The following INSC variants were observed in gnomAD, a reference collection of about 807,000 sequenced individuals.
INSC encodes the protein INSC spindle orientation adaptor protein, also known as protein inscuteable homolog.
In INSC, 67 loss-of-function variants were observed where a neutral mutation model predicts 58.6. That is an observed-to-expected ratio of 1.14 (90% confidence interval 0.94 to 1.40). The LOEUF (loss-of-function observed/expected upper bound fraction) is 1.40. Among genes scored for constraint, INSC ranks in the 40% most tolerant of loss-of-function variants. The pLI is 0.00. For synonymous variants in INSC, 262 were observed against 276.1 expected (o/e 0.95, Z 0.51); for missense variants, 714 against 692.0 (o/e 1.03, Z -0.36).
At chr11:15,130,413 C>A (rs2133703453) in intron 1 of INSC, among the ~76,000 whole-genome samples, 1 of 152,222 alleles carries the variant, frequency 6.6e-6, no homozygotes, top group Non-Finnish European at 1.5e-5. Flanking sequence ...TTAAAATAAC[C>A]ATGTATTTTT....
At chr11:15,171,016 T>C (rs1272938638) in intron 2 of INSC, among the ~76,000 whole-genome samples, 1 of 152,206 alleles carries the variant, frequency 6.6e-6, no homozygotes, top group Non-Finnish European at 1.5e-5. Context: ...AATTCTTACA[T>C]AGCTTTAAAA....
Position 15,225,838 on chromosome 11 carries a change from C to G in INSC, c.1170+10C>G, listed in dbSNP as rs1190742991. On this transcript the variant is annotated intron_variant, in intron 9 of 12. Transcript: ENST00000379556. ...TTACACTCGGGACCAGGTAAGACGC[C>G]CAGAAGGCACTGAGCACAGGGCCCA... is the stretch of plus-strand genomic sequence containing the variant. 1.9e-6 allele frequency: 3 copies of G among 1,608,804 alleles called. No homozygotes were observed. The highest frequency in any genetic ancestry group is 1.7e-5 in the Admixed American group (1 of 59,496).
chr11:15,202,974 G>A (rs573507108), intron 7 of INSC, among the ~76,000 whole-genome samples: 4 of 152,318 alleles, frequency 2.6e-5, no homozygotes, highest in Admixed American at 6.5e-5. Context: ...AGAGATGCTC[G>A]TAGTCTGGGG....
At chr11:15,209,007 A>G (rs988853894) in intron 7 of INSC, among the ~76,000 whole-genome samples, 5 of 152,154 alleles carry the variant, frequency 3.3e-5, no homozygotes, top group Non-Finnish European at 5.9e-5. Context: ...CCAGCCTCCG[A>G]TGATGTAGGC....
rs566003631 is a variant in INSC at position 15,246,266 on chromosome 11, G to T, written c.*226G>T. 1 of 373,488 alleles carries T rather than the reference G, an allele frequency of 2.7e-6. No individual in the cohort carries two copies. The highest frequency in any genetic ancestry group is 2.0e-5 in the African/African-American group (1 of 49,198). The allele number at this position is 373,488 out of a possible 1,614,324, so 23.1% of individuals were successfully genotyped here. ...ATTTTTTGATTTCTGTAGCTTTTCA[G>T]TTGCAGATGTTGAAATTCGTAATGA... On this transcript the variant is annotated 3_prime_UTR_variant, in exon 13 of 13. Coordinates refer to ENST00000379556, the MANE Select transcript of INSC (RefSeq NM_001042536.3).
chr11:15,255,708 TTGTA>T, the INSC span, among the ~76,000 whole-genome samples: 43 of 148,600 alleles, frequency 2.9e-4, no homozygotes, highest in South Asian at 8.9e-3. Flanking sequence ...AAGAGGCTAT[TTGTA>T]TGTATGTATA....
intron 5 of INSC, among the ~76,000 whole-genome samples, chr11:15,182,249 G>A (rs189100063): frequency 6.6e-6 from 1 of 152,252 alleles, no homozygotes; most frequent in African/African-American, 2.4e-5. Context: ...GTTGTCCCAG[G>A]ATGTCATCCT....
intron 1 of INSC, among the ~76,000 whole-genome samples, chr11:15,139,542 G>A (rs2133722757): frequency 6.6e-6 from 1 of 152,342 alleles, no homozygotes; most frequent in Non-Finnish European, 1.5e-5. Flanking sequence ...CAACTGCTAG[G>A]CGCTGTCCTC....
intron 2 of INSC, among the ~76,000 whole-genome samples, chr11:15,153,418 T>C (rs1275806194): frequency 6.6e-6 from 1 of 152,230 alleles, no homozygotes; most frequent in East Asian, 1.9e-4. Flanking sequence ...GCAGGCCAGC[T>C]TGTCTCCATG....
At chr11:15,154,866 C>A (rs1052432294) in intron 2 of INSC, among the ~76,000 whole-genome samples, 2 of 152,112 alleles carry the variant, frequency 1.3e-5, no homozygotes, top group South Asian at 4.1e-4. Context: ...AACCCATTGA[C>A]TAAAACAAGT....
intron 1 of INSC, among the ~76,000 whole-genome samples, chr11:15,142,404 G>A (rs1848392767): frequency 6.6e-6 from 1 of 151,870 alleles, no homozygotes. Flanking sequence ...GCTCTTCCTT[G>A]TGCCCTGCAC....
At chr11:15,119,860 G>A (rs938079704) in intron 1 of INSC, among the ~76,000 whole-genome samples, 5 of 152,204 alleles carry the variant, frequency 3.3e-5, no homozygotes, top group African/African-American at 1.2e-4. Flanking sequence ...CTGTAAAATG[G>A]GGTTCCTCAT....
At chr11:15,181,585 G>T (rs1849781343) in intron 5 of INSC, among the ~76,000 whole-genome samples, 1 of 152,152 alleles carries the variant, frequency 6.6e-6, no homozygotes, top group African/African-American at 2.4e-5. Flanking sequence ...GGCCTTCCTG[G>T]CTGAGATGAA....
At chr11:15,216,352 T>C (rs527944240) in intron 7 of INSC, among the ~76,000 whole-genome samples, 1 of 152,324 alleles carries the variant, frequency 6.6e-6, no homozygotes, top group Non-Finnish European at 1.5e-5. Context: ...ATCAGACAAT[T>C]TCTCAAATCC....
At chr11:15,245,682 C>T (rs1852535197) in intron 12 of INSC, among the ~76,000 whole-genome samples, 2 of 152,170 alleles carry the variant, frequency 1.3e-5, no homozygotes, top group African/African-American at 4.8e-5. Flanking sequence ...TGACATCTAT[C>T]TTAGTGATCA....
At chr11:15,221,449 C>T in intron 7 of INSC, 28 bp from the exon 8 acceptor site, 1 of 1,584,742 alleles carries the variant, frequency 6.3e-7, no homozygotes, top group Non-Finnish European at 8.6e-7. Flanking sequence ...CCAGGATGCA[C>T]AGGGGAGCTC....
At chr11:15,238,261 G>A (rs538771415) in intron 10 of INSC, among the ~76,000 whole-genome samples, 31 of 152,184 alleles carry the variant, frequency 2.0e-4, no homozygotes, top group African/African-American at 6.5e-4. Flanking sequence ...GAGATTATTC[G>A]GTTGAAAACT....
At chr11:15,212,512 T>TAC (rs1851067619) in intron 7 of INSC, among the ~76,000 whole-genome samples, 1 of 152,256 alleles carries the variant, frequency 6.6e-6, no homozygotes, top group African/African-American at 2.4e-5. Context: ...TACATCTCTC[T>TAC]ACATCATACA....
intron 7 of INSC, 66 bp downstream of exon 7, chr11:15,201,015 A>C: frequency 6.5e-7 from 1 of 1,527,142 alleles, no homozygotes; most frequent in Non-Finnish European, 8.8e-7. Flanking sequence ...TCCAGGCCTC[A>C]TGATGGCCAT....
Sources: gnomAD v4.1 joint callset for allele counts (sites outside exome capture counted in the v4.1 genomes callset) on GRCh38, gnomAD v4.1.1 for gene constraint, MANE v1.5 for transcripts, NCBI Gene and HGNC (gene_info 2026-07-23, HGNC 2026-07-21) for gene names.